Variants in ELMOD1 observed in about 807,000 individuals in gnomAD.
The protein encoded by ELMOD1 is ELMO domain containing 1.
In ELMOD1, 21 loss-of-function variants were observed where a neutral mutation model predicts 46.7. The observed-to-expected ratio is 0.45, with a 90% CI of 0.32 to 0.65. The LOEUF is 0.65. Among genes scored for constraint, ELMOD1 ranks in the 30% least tolerant of loss-of-function variants. ELMOD1 has a pLI of 0.04. For synonymous variants in ELMOD1, 122 were observed against 138.2 expected (o/e 0.88, Z 0.82); for missense variants, 348 against 407.8 (o/e 0.85, Z 1.26).
chr11:107,604,438 T>C (rs1436571719), intron 1 of ELMOD1, among the ~76,000 whole-genome samples: 1 of 152,220 alleles, frequency 6.6e-6, no homozygotes, highest in East Asian at 1.9e-4. Flanking sequence ...AGGTCATTAG[T>C]ACTCATTTTC....
chr11:107,648,757 A>G (rs991159112), intron 7 of ELMOD1, among the ~76,000 whole-genome samples: 2 of 45,278 alleles, frequency 4.4e-5, no homozygotes, highest in African/African-American at 9.4e-5. Context: ...TTCCCTTGTT[A>G]GTGTCAATTT....
intron 1 of ELMOD1, among the ~76,000 whole-genome samples, chr11:107,610,948 A>G (rs949101756): frequency 6.8e-6 from 1 of 147,802 alleles, no homozygotes; most frequent in Non-Finnish European, 1.5e-5. Flanking sequence ...ACAAAAATTA[A>G]CTCAAGATGG....
chr11:107,654,078 A>C, intron 9 of ELMOD1, 94 bp from the exon 10 acceptor site: 1 of 1,010,162 alleles, frequency 9.9e-7, no homozygotes, highest in Non-Finnish European at 1.5e-6. Context: ...ACATCTCTGC[A>C]TATAGTTAAC....
intron 6 of ELMOD1, chr11:107,643,745 T>A (rs1345660943): frequency 2.0e-6 from 1 of 489,870 alleles, no homozygotes; most frequent in Non-Finnish European, 4.2e-6. Flanking sequence ...GGAGCAATCT[T>A]GACTCTTATG....
intron 2 of ELMOD1, chr11:107,625,332 C>G: frequency 3.3e-6 from 3 of 911,132 alleles, no homozygotes; most frequent in Non-Finnish European, 3.9e-6. Context: ...TGGTTTGAAC[C>G]AAGAACTGTG....
rs749048141 is a variant in ELMOD1 at position 107,631,609 on chromosome 11, C to T, written c.222C>T (p.Pro74=). 24 of 1,564,626 alleles carry T rather than the reference C, an allele frequency of 1.5e-5. No homozygotes were observed. The highest frequency in any genetic ancestry group is 4.7e-5 in the East Asian group (2 of 42,556). Reference sequence around the variant, plus strand: ...TGCAGACTTCTGTGAGTGTTCACCCCGACGCTATTGAAAAAACTATAGAAG... The same window carrying T: ...TGCAGACTTCTGTGAGTGTTCACCCTGACGCTATTGAAAAAACTATAGAAG... ...KLLQTSVSVH[P]DAIEKTIEDI... Residue 74 remains proline, a synonymous_variant, in exon 5 of 12, where the codon CCC becomes CCT. Coordinates refer to ENST00000265840, the MANE Select transcript of ELMOD1 (RefSeq NM_018712.4).
chr11:107,611,150 A>G (rs1465868497), intron 1 of ELMOD1, among the ~76,000 whole-genome samples: 1 of 152,222 alleles, frequency 6.6e-6, no homozygotes, highest in South Asian at 2.1e-4. Context: ...ACAGCAAAAG[A>G]AACTATCAAC....
intron 6 of ELMOD1, among the ~76,000 whole-genome samples, chr11:107,647,147 G>A (rs946270435): frequency 2.0e-5 from 3 of 152,110 alleles, no homozygotes; most frequent in Admixed American, 6.5e-5. Context: ...CAATGAGAGC[G>A]AAAAGGCAAA....
intron 1 of ELMOD1, among the ~76,000 whole-genome samples, chr11:107,615,229 CT>C (rs34461488): frequency 0.029 from 2,312 of 80,866 alleles, 19 homozygotes; most frequent in East Asian, 0.13. Context: ...TTGTCAGCAT[CT>C]TTTTTTTTTT....
intron 1 of ELMOD1, chr11:107,600,265 C>T (rs1865574777): frequency 6.7e-6 from 1 of 149,390 alleles, no homozygotes; most frequent in South Asian, 2.1e-4. Flanking sequence ...AAATATACCC[C>T]TGGAAAAAAA....
chr11:107,658,897 T>C (rs1222138616), intron 11 of ELMOD1, among the ~76,000 whole-genome samples: 1 of 152,206 alleles, frequency 6.6e-6, no homozygotes, highest in Non-Finnish European at 1.5e-5. Flanking sequence ...ATTGTGCCAC[T>C]GCACTCCAGC....
At chr11:107,655,196 G>A (rs1235128862) in intron 10 of ELMOD1, among the ~76,000 whole-genome samples, 3 of 152,082 alleles carry the variant, frequency 2.0e-5, no homozygotes, top group African/African-American at 7.2e-5. Context: ...TATCCATAAT[G>A]TTTTATATCC....
At chr11:107,612,803 T>C (rs187725800) in intron 1 of ELMOD1, among the ~76,000 whole-genome samples, 79 of 152,350 alleles carry the variant, frequency 5.2e-4, no homozygotes, top group Middle Eastern at 3.4e-3. Context: ...AATTTTTCAT[T>C]TTCTATATAA....
intron 1 of ELMOD1, among the ~76,000 whole-genome samples, chr11:107,607,518 C>A (rs1336811944): frequency 6.6e-6 from 1 of 152,060 alleles, no homozygotes; most frequent in South Asian, 2.1e-4. Context: ...AATAGCCAGG[C>A]ATGGTGGCAT....
At chr11:107,599,828 A>G (rs896812435) in intron 1 of ELMOD1, among the ~76,000 whole-genome samples, 1 of 151,940 alleles carries the variant, frequency 6.6e-6, no homozygotes, top group African/African-American at 2.4e-5. Context: ...AGGATTCAAA[A>G]AGACCCTAAG....
At chr11:107,607,795 A>T (rs1865711008) in intron 1 of ELMOD1, among the ~76,000 whole-genome samples, 1 of 152,190 alleles carries the variant, frequency 6.6e-6, no homozygotes, top group Non-Finnish European at 1.5e-5. Flanking sequence ...AAACATTATT[A>T]TTTATGAGTC....
intron 1 of ELMOD1, chr11:107,592,340 C>T (rs761170447): frequency 5.6e-6 from 3 of 533,912 alleles, no homozygotes; most frequent in Non-Finnish European, 1.2e-5. Flanking sequence ...CTGCTAACCC[C>T]CAGTGGGCCG....
At chr11:107,610,593 G>A (rs1042555290) in intron 1 of ELMOD1, among the ~76,000 whole-genome samples, 2 of 151,472 alleles carry the variant, frequency 1.3e-5, no homozygotes, top group Non-Finnish European at 2.9e-5. Flanking sequence ...AAACCGGGAG[G>A]CAGAGGTTGC....
At chr11:107,647,631 C>T (rs749440963) in intron 7 of ELMOD1, 30 bp downstream of exon 7, 9 of 1,601,894 alleles carry the variant, frequency 5.6e-6, no homozygotes, top group Admixed American at 5.1e-5. Flanking sequence ...GCTAAGTGTT[C>T]GAGTGATGTT....
Sources: allele counts gnomAD v4.1 joint callset (sites outside exome capture counted in the v4.1 genomes callset), GRCh38; gene constraint gnomAD v4.1.1; transcripts MANE v1.5; gene names NCBI Gene and HGNC (gene_info 2026-07-23, HGNC 2026-07-21).